COX7B2: variants seen among roughly 807,000 people sequenced by gnomAD.
COX7B2 encodes cytochrome c oxidase subunit 7B2, mitochondrial.
For missense variants in COX7B2, 109 were observed against 95.9 expected, an observed-to-expected ratio of 1.14 and a Z score of -0.57; for synonymous variants, 37 against 32.1, an observed-to-expected ratio of 1.15 and a Z score of -0.51.
chr4:46,809,940 T>C (rs1719200489), intron 2 of COX7B2, among the ~76,000 whole-genome samples: 2 of 151,988 alleles, frequency 1.3e-5, no homozygotes, highest in African/African-American at 2.4e-5. Context: ...TGTAAATATA[T>C]ATTTTCAATG....
chr4:46,800,572 C>T (rs1312749776), intron 2 of COX7B2, among the ~76,000 whole-genome samples: 1 of 152,124 alleles, frequency 6.6e-6, no homozygotes, highest in Non-Finnish European at 1.5e-5. Context: ...TGAAACTGGA[C>T]TCCTTGTTTA....
Position 46,823,782 on chromosome 4 carries a change from G to A in COX7B2, c.-50+21178C>T, listed in dbSNP as rs538874672. 1.7e-4 allele frequency among the ~76,000 whole-genome samples: 25 copies of A among 150,394 alleles called. No individual in the cohort carries two copies. In the East Asian group the frequency reaches 4.9e-3, roughly 29 times the overall value. Reference sequence around the variant, plus strand: ...GAGTGGAAATCATGAAACTAAAGCAGAAAACAACAGACAAAAATCAAAGAA... The same window carrying A: ...GAGTGGAAATCATGAAACTAAAGCAAAAAACAACAGACAAAAATCAAAGAA... On this transcript the variant is annotated intron_variant, in intron 2 of 2. Coordinates refer to ENST00000355591, the MANE Select transcript of COX7B2 (RefSeq NM_130902.3).
chr4:46,742,585 T>C (rs1577648107), intron 2 of COX7B2, among the ~76,000 whole-genome samples: 1 of 152,242 alleles, frequency 6.6e-6, no homozygotes, highest in Non-Finnish European at 1.5e-5. Flanking sequence ...ATCTCCTAAG[T>C]CACTGAATTG....
intron 2 of COX7B2, among the ~76,000 whole-genome samples, chr4:46,769,146 A>T (rs905362153): frequency 3.3e-5 from 5 of 152,068 alleles, no homozygotes; most frequent in African/African-American, 9.7e-5. Context: ...AAATTTTTTT[A>T]AAAAAGAATG....
chr4:46,781,814 A>G (rs1717472059), intron 2 of COX7B2, among the ~76,000 whole-genome samples: 1 of 152,232 alleles, frequency 6.6e-6, no homozygotes, highest in Non-Finnish European at 1.5e-5. Context: ...TGAGAGGCTT[A>G]GCACCCAAGC....
At chr4:46,788,104 GA>G (rs1392202360) in intron 2 of COX7B2, among the ~76,000 whole-genome samples, 1 of 151,830 alleles carries the variant, frequency 6.6e-6, no homozygotes, top group Non-Finnish European at 1.5e-5. Flanking sequence ...CAAAACAAGA[GA>G]AAAAAAGTAA....
At chr4:46,905,830 T>TC (rs1720351743) in intron 1 of COX7B2, among the ~76,000 whole-genome samples, 1 of 124,190 alleles carries the variant, frequency 8.1e-6, no homozygotes, top group South Asian at 2.8e-4. Context: ...TTTTTTTTTT[T>TC]TTTTTTTTTT....
chr4:46,808,402 T>G (rs34954618), intron 2 of COX7B2, among the ~76,000 whole-genome samples: 4,881 of 151,972 alleles, frequency 0.032, 125 homozygotes, highest in Non-Finnish European at 0.048. Context: ...CCATATTCAT[T>G]TATTAGTTCT....
chr4:46,798,364 C>A (rs1165433537), intron 2 of COX7B2, among the ~76,000 whole-genome samples: 2 of 152,106 alleles, frequency 1.3e-5, no homozygotes, highest in African/African-American at 2.4e-5. Flanking sequence ...CCTAGTGACC[C>A]AAAAAGCTTG....
chr4:46,749,858 A>T (rs1369989516), intron 2 of COX7B2, among the ~76,000 whole-genome samples: 12 of 152,192 alleles, frequency 7.9e-5, no homozygotes, highest in Admixed American at 7.2e-4. Flanking sequence ...AATAATTCAG[A>T]TCTAGAGTTC....
At position 46,754,697 on chromosome 4, in the gene COX7B2, CGTGTGT is replaced by C. The variant is rs367614632; in HGVS notation, c.-49-19462_-49-19457del. Among the ~76,000 whole-genome samples, 14 of 73,828 alleles carry C rather than the reference CGTGTGT, an allele frequency of 1.9e-4. No homozygotes were observed. The South Asian group carries it at 2.4e-3, about 13-fold the overall frequency. 48.4% of individuals were successfully genotyped at this position (73,828 alleles called of 152,430 possible). A position where few individuals can be genotyped will look rare whatever the true frequency, so the allele number is the denominator to read the frequency against. Reference sequence around the variant, plus strand: ...CTAGAACTTAAAGTACAATAAAATACGTGTGTGTGTGTGTGTGTGTGTGTGTGTGTG... The same window carrying C: ...CTAGAACTTAAAGTACAATAAAATACGTGTGTGTGTGTGTGTGTGTGTGTG... On this transcript the variant is annotated intron_variant, in intron 2 of 2. Coordinates refer to ENST00000355591, the MANE Select transcript of COX7B2 (RefSeq NM_130902.3).
intron 2 of COX7B2, among the ~76,000 whole-genome samples, chr4:46,772,022 C>A (rs772637328): frequency 6.6e-6 from 1 of 152,046 alleles, no homozygotes; most frequent in East Asian, 1.9e-4. Context: ...TCACAACATG[C>A]AAGATGTGGG....
In COX7B2 at chr4:46,773,859, A is replaced by G. The variant is rs193270102; in HGVS notation, c.-49-38618T>C. Among the ~76,000 whole-genome samples the G allele has an allele frequency of 6.8e-4, 103 of 152,256 alleles. 1 individual carries two copies. Among genetic ancestry groups the G allele is most frequent in the African/African-American group, 2.2e-3 (92 of 41,548 alleles). ...CTGCCACTTTGAGGCTTTTATCTAGAGGTATGTTTTAGCCAAACAATGACT... is the reference window on the plus strand; with the variant it reads ...CTGCCACTTTGAGGCTTTTATCTAGGGGTATGTTTTAGCCAAACAATGACT... On this transcript the variant is annotated intron_variant, in intron 2 of 2. Coordinates refer to ENST00000355591, the MANE Select transcript of COX7B2 (RefSeq NM_130902.3).
At chr4:46,765,791 C>A (rs190008886) in intron 2 of COX7B2, among the ~76,000 whole-genome samples, 2 of 152,058 alleles carry the variant, frequency 1.3e-5, no homozygotes, top group East Asian at 1.9e-4. Context: ...ATCATGAACC[C>A]AGGATCCAGG....
intron 2 of COX7B2, among the ~76,000 whole-genome samples, chr4:46,764,581 G>A (rs1716414396): frequency 6.8e-6 from 1 of 146,890 alleles, no homozygotes; most frequent in Admixed American, 6.8e-5. Context: ...AGAAAATACT[G>A]CCACATTGAA....
chr4:46,848,668 G>A (rs540146730), intron 1 of COX7B2, among the ~76,000 whole-genome samples: 31 of 152,046 alleles, frequency 2.0e-4, no homozygotes, highest in Non-Finnish European at 3.4e-4. Flanking sequence ...AAAAAATAGC[G>A]TATTTAAAGT....
chr4:46,771,390 T>C (rs571193400), intron 2 of COX7B2, among the ~76,000 whole-genome samples: 2 of 152,224 alleles, frequency 1.3e-5, no homozygotes, highest in South Asian at 4.1e-4. Flanking sequence ...ATAGCCATTA[T>C]GGAAAACACT....
chr4:46,747,872 T>C lies in COX7B2; in HGVS notation c.-49-12631A>G, dbSNP rs1577655088. Among the ~76,000 whole-genome samples, 2 of 151,574 alleles carry C rather than the reference T, an allele frequency of 1.3e-5. 1 individual carries two copies. The highest frequency in any genetic ancestry group is 4.6e-4 in the South Asian group (2 of 4,378). ...GTTGTAATCACCATAAAATTTGTCTTTAACGTTACTATGAAATAATAGCCG... is the reference window on the plus strand; with the variant it reads ...GTTGTAATCACCATAAAATTTGTCTCTAACGTTACTATGAAATAATAGCCG... On this transcript the variant is annotated intron_variant, in intron 2 of 2. Coordinates refer to ENST00000355591, the MANE Select transcript of COX7B2 (RefSeq NM_130902.3).
intron 2 of COX7B2, among the ~76,000 whole-genome samples, chr4:46,816,437 GTTC>G (rs1374094504): frequency 2.0e-5 from 3 of 151,892 alleles, no homozygotes; most frequent in Non-Finnish European, 2.9e-5. Flanking sequence ...CTGAACTGAA[GTTC>G]TTCTTTAAAT....
Sources: allele counts gnomAD v4.1 joint callset (sites outside exome capture counted in the v4.1 genomes callset), GRCh38; gene constraint gnomAD v4.1.1; transcripts MANE v1.5; gene names NCBI Gene and HGNC (gene_info 2026-07-23, HGNC 2026-07-21).